The following COL14A1 variants were observed in gnomAD, a reference collection of about 807,000 sequenced individuals.
COL14A1 encodes the protein collagen alpha-1(XIV) chain.
COL14A1 carries 136 observed loss-of-function variants against 230.3 expected under a neutral mutation model. The observed-to-expected ratio is 0.59, with a 90% CI of 0.51 to 0.68. COL14A1 has a LOEUF of 0.68. Ranked by LOEUF, COL14A1 falls within the 30% of genes least tolerant of loss-of-function variation. The pLI, the probability that COL14A1 is intolerant of heterozygous loss-of-function variation, is 0.00. For missense variants in COL14A1, 1,976 were observed against 2,215.8 expected, an observed-to-expected ratio of 0.89 and a Z score of 2.17; for synonymous variants, 792 against 784.1, an observed-to-expected ratio of 1.01 and a Z score of -0.17.
intron 40 of COL14A1, among the ~76,000 whole-genome samples, chr8:120,326,880 G>T (rs1488582771): frequency 3.3e-5 from 5 of 152,044 alleles, no homozygotes; most frequent in African/African-American, 4.8e-5. Context: ...ACAAAAATTA[G>T]CCGGGTGTGG....
Position 120,184,498 on chromosome 8 carries a change from G to A in COL14A1, c.437-12293G>A, listed in dbSNP as rs540737179. On this transcript the variant is annotated intron_variant, in intron 5 of 47. Transcript: ENST00000297848. Reference sequence around the variant, plus strand: ...TCAAACTGCTGGCCTCAAGTGACCTGCCCGCCTCCGCCTCCCAAAGTGCTG... The same window carrying A: ...TCAAACTGCTGGCCTCAAGTGACCTACCCGCCTCCGCCTCCCAAAGTGCTG... Among the ~76,000 whole-genome samples, 14 of 152,080 alleles carry A rather than the reference G, an allele frequency of 9.2e-5. 1 individual carries two copies. Among genetic ancestry groups the A allele is most frequent in the African/African-American group, 2.7e-4 (11 of 41,496 alleles).
chr8:120,367,966 C>T (rs7835198), intron 46 of COL14A1, among the ~76,000 whole-genome samples: 36,490 of 151,338 alleles, frequency 0.24, 6,655 homozygotes, highest in African/African-American at 0.51. Context: ...AGAAGGCACA[C>T]CGGTCTCAAC....
intron 44 of COL14A1, 93 bp downstream of exon 44, chr8:120,342,539 C>T (rs1822342940): frequency 1.7e-6 from 2 of 1,208,032 alleles, no homozygotes; most frequent in East Asian, 4.8e-5. Flanking sequence ...CTAAGGAAAA[C>T]TCTAAAGCAT....
chr8:120,161,047 A>C (rs73319711), intron 3 of COL14A1, among the ~76,000 whole-genome samples: 52,021 of 151,924 alleles, frequency 0.34, 9,440 homozygotes, highest in African/African-American at 0.45. Flanking sequence ...TGCACTTTGT[A>C]GTAGATGAGT....
chr8:120,206,757 G>C (rs1817446010), intron 9 of COL14A1, among the ~76,000 whole-genome samples, 186 bp from the exon 10 acceptor site: 2 of 152,172 alleles, frequency 1.3e-5, no homozygotes, highest in African/African-American at 4.8e-5. Flanking sequence ...ACTTAGCATA[G>C]TACCTGGCAC....
At chr8:120,309,266 G>A (rs1330959456) in intron 36 of COL14A1, among the ~76,000 whole-genome samples, 4 of 152,136 alleles carry the variant, frequency 2.6e-5, no homozygotes, top group African/African-American at 7.2e-5. Context: ...ATTATTTATA[G>A]TGTATTGATT....
chr8:120,287,625 C>T lies in COL14A1; in HGVS notation c.4077+1655C>T, dbSNP rs150740340. Among the ~76,000 whole-genome samples the T allele has an allele frequency of 2.1e-3, 319 of 152,044 alleles. 5 individuals are homozygous for T. The highest frequency in any genetic ancestry group is 7.3e-3 in the African/African-American group (303 of 41,472). On this transcript the variant is annotated intron_variant, in intron 33 of 47. Coordinates refer to ENST00000297848, the MANE Select transcript of COL14A1 (RefSeq NM_021110.4). The stretch of plus-strand genomic sequence containing the variant: ...TCAAGAAGTGAGGTTCATTAAAAAT[C>T]GATTTAAAATTTATAAACCTTCAAA...
intron 36 of COL14A1, among the ~76,000 whole-genome samples, chr8:120,302,849 G>A (rs980802018): frequency 2.0e-5 from 3 of 152,114 alleles, no homozygotes; most frequent in Non-Finnish European, 4.4e-5. Flanking sequence ...CATTTTAACA[G>A]TATTGATACT....
At chr8:120,242,031 C>G (rs781346774) in intron 19 of COL14A1, among the ~76,000 whole-genome samples, 4 of 152,066 alleles carry the variant, frequency 2.6e-5, no homozygotes, top group Non-Finnish European at 4.4e-5. Context: ...CTTTGTTTTA[C>G]GCACAAAATT....
chr8:120,368,666 C>T (rs1040817124), intron 46 of COL14A1, among the ~76,000 whole-genome samples: 2 of 151,414 alleles, frequency 1.3e-5, no homozygotes, highest in South Asian at 4.2e-4. Flanking sequence ...TTTAATCCTC[C>T]TATTTTTACT....
At chr8:120,128,300 A>G (rs952851771) in intron 1 of COL14A1, among the ~76,000 whole-genome samples, 3 of 151,432 alleles carry the variant, frequency 2.0e-5, no homozygotes, top group African/African-American at 7.3e-5. Context: ...CTTACTGGGT[A>G]TCTGCCTTTT....
intron 5 of COL14A1, among the ~76,000 whole-genome samples, chr8:120,187,259 G>T (rs1816680213): frequency 6.6e-6 from 1 of 152,048 alleles, no homozygotes; most frequent in African/African-American, 2.4e-5. Flanking sequence ...TTTTAATTTG[G>T]TAATTTCATA....
chr8:120,344,905 G>T (rs762158605), intron 44 of COL14A1, among the ~76,000 whole-genome samples: 1 of 152,084 alleles, frequency 6.6e-6, no homozygotes. Flanking sequence ...CCAAGTAAAG[G>T]TTCCTAAAAA....
At chr8:120,290,975 G>C (rs893655128) in intron 34 of COL14A1, among the ~76,000 whole-genome samples, 15 of 152,156 alleles carry the variant, frequency 9.9e-5, no homozygotes, top group Admixed American at 8.5e-4. Flanking sequence ...GAGAATTATG[G>C]ATTAGATGTT....
chr8:120,218,552 C>T (rs1315939380), intron 14 of COL14A1, among the ~76,000 whole-genome samples: 4 of 152,080 alleles, frequency 2.6e-5, no homozygotes, highest in African/African-American at 4.8e-5. Flanking sequence ...TCAGGCAATC[C>T]GCCCGCCTAG....
At chr8:120,271,243 T>G (rs1452464630) in intron 26 of COL14A1, among the ~76,000 whole-genome samples, 1 of 151,524 alleles carries the variant, frequency 6.6e-6, no homozygotes, top group East Asian at 1.9e-4. Flanking sequence ...GGTAGGAGGA[T>G]AGTGAGGATC....
At chr8:120,263,038 G>C in intron 24 of COL14A1, 24 bp downstream of exon 24, 1 of 1,565,696 alleles carries the variant, frequency 6.4e-7, no homozygotes, top group Non-Finnish European at 8.6e-7. Flanking sequence ...GTTCTCTCCT[G>C]ATCCCTCTCC....
intron 19 of COL14A1, among the ~76,000 whole-genome samples, chr8:120,234,064 A>AT (rs1818363505): frequency 6.6e-6 from 1 of 152,014 alleles, no homozygotes; most frequent in African/African-American, 2.4e-5. Flanking sequence ...TAGGTATTTT[A>AT]TTCCCTTTGT....
rs1389916634 is a variant in COL14A1 at position 120,320,038 on chromosome 8, A to T, written c.4659+4041A>T. Among the ~76,000 whole-genome samples, 5 of 152,146 alleles carry T rather than the reference A, an allele frequency of 3.3e-5. No individual in the cohort carries two copies. In the East Asian group the frequency reaches 9.7e-4, roughly 29 times the overall value. ...ATCCTGTGATCTTTGAGCTCCTCTA[A>T]TATATGGTGGCTTTCTCAGTCCCCA... is the stretch of plus-strand genomic sequence containing the variant. On this transcript the variant is annotated intron_variant, in intron 40 of 47. Coordinates refer to ENST00000297848, the MANE Select transcript of COL14A1 (RefSeq NM_021110.4).
Sources: gnomAD v4.1 joint callset for allele counts (sites outside exome capture counted in the v4.1 genomes callset) on GRCh38, gnomAD v4.1.1 for gene constraint, MANE v1.5 for transcripts, NCBI Gene and HGNC (gene_info 2026-07-23, HGNC 2026-07-21) for gene names.